Variants in TPM4 observed in about 807,000 individuals in gnomAD.
TPM4 encodes the protein tropomyosin alpha-4 chain.
In TPM4, 17 loss-of-function variants were observed where a neutral mutation model predicts 35.8. That is an observed-to-expected ratio of 0.47 (90% CI 0.32 to 0.71). The LOEUF is 0.71. Among genes scored for constraint, TPM4 ranks in the 30% least tolerant of loss-of-function variants. The pLI, the probability that TPM4 is intolerant of heterozygous loss-of-function variation, is 0.03. For missense variants in TPM4, 240 were observed against 320.9 expected (o/e 0.75, Z 1.93); for synonymous variants, 120 against 122.9 (o/e 0.98, Z 0.15).
At chr19:16,078,888 G>A (rs2090446849) in intron 1 of TPM4, among the ~76,000 whole-genome samples, 2 of 151,408 alleles carry the variant, frequency 1.3e-5, no homozygotes, top group Admixed American at 6.6e-5. Flanking sequence ...GCCGGCGTGT[G>A]GTAGACTTCT....
chr19:16,092,199 A>G (rs983322886), intron 5 of TPM4, among the ~76,000 whole-genome samples: 1 of 151,878 alleles, frequency 6.6e-6, no homozygotes, highest in African/African-American at 2.4e-5. Flanking sequence ...AAAGAAAAGA[A>G]AAGTATAATT....
intron 2 of TPM4, among the ~76,000 whole-genome samples, chr19:16,083,757 CTTTT>C (rs573965261): frequency 1.7e-5 from 2 of 120,648 alleles, no homozygotes; most frequent in African/African-American, 3.3e-5. Flanking sequence ...AGATTCATTT[CTTTT>C]TTTTTTTTTT....
At chr19:16,076,124 G>T, upstream of TPM4, 1 of 1,587,704 alleles carries the variant, frequency 6.3e-7, no homozygotes, top group Non-Finnish European at 8.6e-7. Flanking sequence ...CCGAGGACCT[G>T]AAGGACGCGC....
rs143774434 is a variant in TPM4, at chr19:16,096,139, C to G, written c.664+2386C>G. On this transcript the variant is annotated intron_variant, in intron 7 of 7. Coordinates refer to ENST00000643579, the MANE Select transcript of TPM4 (RefSeq NM_003290.3). ...AGAGACAGGGTTTCACCATGTTGGT[C>G]AGGCTGGTCTCAAACTCCTGACCTT... 6.7e-3 allele frequency among the ~76,000 whole-genome samples: 1,016 copies of G among 152,262 alleles called. 11 individuals carry two copies. The highest frequency in any genetic ancestry group is 0.023 in the African/African-American group (952 of 41,552).
At chr19:16,089,267 C>A in intron 5 of TPM4, 147 bp downstream of exon 5, 1 of 1,025,166 alleles carries the variant, frequency 9.8e-7, no homozygotes, top group Non-Finnish European at 1.4e-6. Context: ...TTTTCCCCTA[C>A]AGAAAGAGCT....
Position 16,095,595 on chromosome 19 carries a change from G to T in TPM4, c.664+1842G>T, listed in dbSNP as rs145896081. 6.5e-4 allele frequency: 655 copies of T among 1,011,536 alleles called. 3 individuals carry two copies. The African/African-American group carries it at 0.01, about 16-fold the overall frequency. The allele number at this position is 1,011,536 out of a possible 1,614,324, so 62.7% of individuals were successfully genotyped here. Reference sequence around the variant, plus strand: ...TAACCATAGCCTGAAACACAAAGTGGGTGGTTAGCCTCTCTCACTCACAAA... The same window carrying T: ...TAACCATAGCCTGAAACACAAAGTGTGTGGTTAGCCTCTCTCACTCACAAA... On this transcript the variant is annotated intron_variant, in intron 7 of 7. Coordinates refer to ENST00000643579, the MANE Select transcript of TPM4 (RefSeq NM_003290.3).
upstream of TPM4, chr19:16,076,228 C>A: frequency 6.5e-7 from 1 of 1,547,044 alleles, no homozygotes; most frequent in Non-Finnish European, 8.7e-7. Flanking sequence ...GCCCCGGGGC[C>A]GGGAAGGCGG....
intron 7 of TPM4, among the ~76,000 whole-genome samples, chr19:16,094,049 G>C (rs1448674253): frequency 2.1e-5 from 3 of 144,494 alleles, no homozygotes; most frequent in African/African-American, 7.7e-5. Flanking sequence ...ACTGCAACCT[G>C]CGCCTCCCGG....
At chr19:16,098,788 A>C (rs901122598) in intron 7 of TPM4, among the ~76,000 whole-genome samples, 10 of 152,132 alleles carry the variant, frequency 6.6e-5, no homozygotes, top group African/African-American at 2.4e-4. Context: ...AATTATTCAT[A>C]ATAATATTTT....
Position 16,067,730 on chromosome 19 carries a change from T to C in TPM4, c.106T>C (p.Cys36Arg), listed in dbSNP as rs764800898. The C allele has an allele frequency of 1.8e-5, 29 of 1,612,104 alleles. No homozygotes were observed. Among genetic ancestry groups the C allele is most frequent in the Non-Finnish European group, 2.3e-5 (27 of 1,179,588 alleles). Residue 36 changes from cysteine to arginine, a missense_variant, in exon 2 of 3, where the codon TGC becomes CGC. Transcript: ENST00000589897. This position sits in a 1 kb window ranked among gnomAD's most constrained non-coding sequence, Gnocchi z 4.1. The stretch of plus-strand genomic sequence containing the variant: ...GGATAAGAAAGCCGCTGAGGACAAG[T>C]GCAAGCAGGTGAGGTGCCCTCCGCT...
chr19:16,073,086 G>C (rs61327944), upstream of TPM4, among the ~76,000 whole-genome samples: 2,779 of 151,838 alleles, frequency 0.018, 102 homozygotes, highest in African/African-American at 0.064. Context: ...GCTCATGCCT[G>C]TTGTCCCAGC....
intron 1 of TPM4, among the ~76,000 whole-genome samples, chr19:16,078,649 C>G (rs949058809): frequency 6.6e-6 from 1 of 152,088 alleles, no homozygotes; most frequent in African/African-American, 2.4e-5. Context: ...TCAAAATGGC[C>G]CTCAGCCTGG....
chr19:16,088,356 G>C, intron 4 of TPM4: 6 of 1,310,344 alleles, frequency 4.6e-6, no homozygotes, highest in Non-Finnish European at 5.9e-6. Flanking sequence ...GAGGCAGCAG[G>C]GAAGCCCAGA....
intron 4 of TPM4, 29 bp downstream of exon 4, chr19:16,088,126 C>T (rs1469265469): frequency 6.3e-7 from 1 of 1,598,972 alleles, no homozygotes; most frequent in Non-Finnish European, 8.5e-7. Flanking sequence ...CTGAGCGAGG[C>T]TGGCTCGATT....
At chr19:16,069,790 G>A (rs73515745) in intron 2 of TPM4, among the ~76,000 whole-genome samples, 2,798 of 152,002 alleles carry the variant, frequency 0.018, 90 homozygotes, top group African/African-American at 0.064. Context: ...ATTGGTGTGT[G>A]TGTGAATGAG....
chr19:16,085,279 C>T (rs1003658727), intron 2 of TPM4, among the ~76,000 whole-genome samples: 2 of 151,858 alleles, frequency 1.3e-5, no homozygotes, highest in Admixed American at 6.6e-5. Flanking sequence ...AAATACACAA[C>T]GTCTTGCTCT....
rs1042176566 is a variant in TPM4 at position 16,067,559 on chromosome 19, C to A, written c.-66C>A. On this transcript the variant is annotated 5_prime_UTR_variant, in exon 2 of 3. Transcript: ENST00000589897. This position sits in a 1 kb window ranked among gnomAD's most constrained non-coding sequence, Gnocchi z 4.1. ...GCTCACTCTGCCCCACAGCCACAGC[C>A]CCTGACTGCCGCAGCCCCCACAGAG... The A allele has an allele frequency of 8.9e-6, 13 of 1,455,500 alleles. No homozygotes were observed. The highest frequency in any genetic ancestry group is 1.2e-5 in the Non-Finnish European group (13 of 1,056,384). 90.2% of individuals were successfully genotyped at this position (1,455,500 alleles called of 1,614,324 possible). A position where few individuals can be genotyped will look rare whatever the true frequency, so the allele number is the denominator to read the frequency against.
chr19:16,081,397 C>CTTTTTTTTTTTT (rs374854830), intron 1 of TPM4: 1 of 136,008 alleles, frequency 7.4e-6, no homozygotes, highest in Non-Finnish European at 1.5e-5. Flanking sequence ...GGGACACTCG[C>CTTTTTTTTTTTT]TTTTTTTTTT....
At chr19:16,086,085 A>G (rs2090547943) in intron 2 of TPM4, among the ~76,000 whole-genome samples, 2 of 148,994 alleles carry the variant, frequency 1.3e-5, no homozygotes. Context: ...AAAAAAAAAA[A>G]CCAAGATGAA....
Sources: gnomAD v4.1 joint callset for allele counts (sites outside exome capture counted in the v4.1 genomes callset) on GRCh38, gnomAD v4.1.1 for gene constraint, Gnocchi (gnomAD v3.1) non-coding constraint, MANE v1.5 for transcripts, NCBI Gene and HGNC (gene_info 2026-07-23, HGNC 2026-07-21) for gene names.